TPTE2: variants seen among roughly 807,000 people sequenced by gnomAD.
The protein encoded by TPTE2 is phosphatidylinositol 3,4,5-trisphosphate 3-phosphatase TPTE2.
In TPTE2, 53 loss-of-function variants were observed where a neutral mutation model predicts 78.6. The observed-to-expected ratio is 0.67, with a 90% CI of 0.54 to 0.85. The LOEUF is 0.85. Ranked by LOEUF, TPTE2 falls within the 40% of genes least tolerant of loss-of-function variation. The pLI, the probability that TPTE2 is intolerant of heterozygous loss-of-function variation, is 0.00. For missense variants in TPTE2, 461 were observed against 623.0 expected (o/e 0.74, Z 2.77); for synonymous variants, 175 against 206.2 (o/e 0.85, Z 1.30).
intron 1 of TPTE2, among the ~76,000 whole-genome samples, chr13:19,532,946 T>C (rs1326253292): frequency 6.6e-6 from 1 of 151,934 alleles, no homozygotes; most frequent in East Asian, 1.9e-4. Context: ...GGGAAGTCAA[T>C]TTATGATGAC....
At chr13:19,498,746 C>T (rs145212275) in intron 1 of TPTE2, among the ~76,000 whole-genome samples, 3,744 of 151,360 alleles carry the variant, frequency 0.025, 66 homozygotes, top group Middle Eastern at 0.051. Context: ...TCAACTAACG[C>T]GCAAAAAAAC....
At position 19,530,231 on chromosome 13, in the gene TPTE2, T is replaced by TAA. The variant is rs144764615; in HGVS notation, c.-44+6363_-44+6364dup. Among the ~76,000 whole-genome samples the TAA allele has an allele frequency of 6.4e-3, 974 of 152,298 alleles. 11 individuals carry two copies. Among genetic ancestry groups the TAA allele is most frequent in the African/African-American group, 0.023 (949 of 41,568 alleles). ...GGTATTAAATTCCTATAAATTGGAATAATGTCTACTTTATAAGGTGTTTCA... is the reference window on the plus strand; with the variant it reads ...GGTATTAAATTCCTATAAATTGGAATAAAATGTCTACTTTATAAGGTGTTTCA... On this transcript the variant is annotated intron_variant, in intron 1 of 17. Coordinates refer to the TPTE2 transcript ENST00000390680.
At chr13:19,528,607 C>G (rs571086411) in intron 1 of TPTE2, among the ~76,000 whole-genome samples, 2 of 152,156 alleles carry the variant, frequency 1.3e-5, no homozygotes, top group Non-Finnish European at 2.9e-5. Context: ...ACTTTACTCC[C>G]GTAGTAAGTA....
intron 1 of TPTE2, among the ~76,000 whole-genome samples, chr13:19,516,005 G>A (rs150534054): frequency 0.042 from 6,366 of 152,248 alleles, 191 homozygotes; most frequent in East Asian, 0.15. Context: ...AGCTGCTTTG[G>A]GGCACAGAAT....
intron 10 of TPTE2, among the ~76,000 whole-genome samples, chr13:19,462,702 C>T (rs1237340520): frequency 6.6e-6 from 1 of 151,766 alleles, no homozygotes; most frequent in African/African-American, 2.4e-5. Context: ...GCCACCACAC[C>T]TAGCTAATTT....
chr13:19,561,275 A>G, the TPTE2 span: 1 of 1,156,212 alleles, frequency 8.6e-7, no homozygotes, highest in Non-Finnish European at 1.2e-6. Context: ...GTCACCTGAC[A>G]CGCGGCTGCC....
At chr13:19,441,261 T>G (rs1406060964) in intron 13 of TPTE2, among the ~76,000 whole-genome samples, 1 of 150,704 alleles carries the variant, frequency 6.6e-6, no homozygotes, top group African/African-American at 2.4e-5. Context: ...CCCTGGGGAG[T>G]TCTAGACGGG....
the TPTE2 span, among the ~76,000 whole-genome samples, chr13:19,546,702 C>T: frequency 6.6e-6 from 1 of 151,706 alleles, no homozygotes; most frequent in African/African-American, 2.4e-5. Context: ...GTTGGCCAGG[C>T]TGGTCTTGAG....
chr13:19,484,782 G>A (rs1319924313), intron 3 of TPTE2, among the ~76,000 whole-genome samples: 1 of 152,098 alleles, frequency 6.6e-6, no homozygotes, highest in Non-Finnish European at 1.5e-5. Context: ...TGTTTTGTCT[G>A]ATACAAGTAT....
chr13:19,521,398 T>C (rs1870144776), intron 1 of TPTE2, among the ~76,000 whole-genome samples: 1 of 151,964 alleles, frequency 6.6e-6, no homozygotes, highest in African/African-American at 2.4e-5. Context: ...TTTATTTAGT[T>C]AGTTAGTTTT....
chr13:19,513,458 G>A (rs1417946365), intron 1 of TPTE2, among the ~76,000 whole-genome samples: 2 of 152,204 alleles, frequency 1.3e-5, no homozygotes, highest in Admixed American at 1.3e-4. Flanking sequence ...TATCTATTAT[G>A]TCATCACCTT....
the TPTE2 span, among the ~76,000 whole-genome samples, chr13:19,555,195 G>A: frequency 6.6e-6 from 1 of 152,136 alleles, no homozygotes; most frequent in Non-Finnish European, 1.5e-5. Flanking sequence ...GGAAAGGTTA[G>A]TGTGGCAGAA....
intron 10 of TPTE2, among the ~76,000 whole-genome samples, chr13:19,456,706 C>T (rs1320947548): frequency 7.2e-5 from 11 of 152,242 alleles, no homozygotes; most frequent in Non-Finnish European, 1.5e-4. Context: ...AATATTTTTA[C>T]ATGTCAAGTC....
rs539767121 is a variant in TPTE2 at position 19,518,322 on chromosome 13, T to G, written c.-43-15045A>C. Among the ~76,000 whole-genome samples, 28 of 152,346 alleles carry G rather than the reference T, an allele frequency of 1.8e-4. 2 individuals are homozygous for G. The South Asian group carries it at 5.2e-3, about 28-fold the overall frequency. ...GATCATTATGCAATGTAAAATGTACTGAAACATCACATTGTACCTCATAAA... is the reference window on the plus strand; with the variant it reads ...GATCATTATGCAATGTAAAATGTACGGAAACATCACATTGTACCTCATAAA... On this transcript the variant is annotated intron_variant, in intron 1 of 17. Coordinates refer to the TPTE2 transcript ENST00000390680.
At chr13:19,554,682 A>G in the TPTE2 span, among the ~76,000 whole-genome samples, 4,482 of 152,230 alleles carry the variant, frequency 0.029, 181 homozygotes, top group African/African-American at 0.088. Flanking sequence ...CCTTCAGCTT[A>G]CCTCTTTACT....
chr13:19,457,761 T>C lies in TPTE2; in HGVS notation c.742-6536A>G, dbSNP rs552438063. Among the ~76,000 whole-genome samples, 2 of 152,298 alleles carry C rather than the reference T, an allele frequency of 1.3e-5. 1 individual carries two copies. Among genetic ancestry groups the C allele is most frequent in the South Asian group, 4.1e-4 (2 of 4,828 alleles). ...TATTTATGTATCACATTTTCTTTTT[T>C]TGTTGTTGTTTTTTTAAGTGTTAAA... On this transcript the variant is annotated intron_variant, in intron 10 of 19. Coordinates refer to ENST00000400230, the Ensembl canonical transcript of TPTE2.
intron 7 of TPTE2, 27 bp from the exon 11 acceptor site, chr13:19,465,591 T>C (rs557307683): frequency 6.4e-7 from 1 of 1,552,210 alleles, no homozygotes; most frequent in African/African-American, 1.4e-5. Context: ...AAGATCCATT[T>C]TTGCTTCAGA....
chr13:19,496,642 C>G (rs1881330735), intron 1 of TPTE2, among the ~76,000 whole-genome samples: 1 of 152,218 alleles, frequency 6.6e-6, no homozygotes, highest in Admixed American at 6.5e-5. Context: ...TCCATTAGCT[C>G]TGTTCTTTTC....
At chr13:19,510,588 G>T (rs1053232423) in intron 1 of TPTE2, among the ~76,000 whole-genome samples, 82 of 151,966 alleles carry the variant, frequency 5.4e-4, no homozygotes, top group Non-Finnish European at 1.2e-4. Flanking sequence ...TTCAACATGC[G>T]GTTTGGGGGT....
Sources: allele counts gnomAD v4.1 joint callset (sites outside exome capture counted in the v4.1 genomes callset), GRCh38; gene constraint gnomAD v4.1.1; transcripts MANE v1.5; gene names NCBI Gene and HGNC (gene_info 2026-07-23, HGNC 2026-07-21).